Variants in VTI1A observed in about 807,000 individuals in gnomAD.
VTI1A encodes the protein vesicle transport through interaction with t-SNAREs homolog 1A.
In VTI1A, 22 loss-of-function variants were observed where a neutral mutation model predicts 34.9. The ratio of observed to expected loss-of-function variants is 0.63; its 90% confidence interval spans 0.45 to 0.90. The LOEUF (loss-of-function observed/expected upper bound fraction) is 0.90, where lower values mean the gene tolerates loss of function less well. Among genes scored for constraint, VTI1A ranks in the 40% least tolerant of loss-of-function variants. The pLI, the probability that VTI1A is intolerant of heterozygous loss-of-function variation, is 0.00. For missense variants in VTI1A, 268 were observed against 275.6 expected (o/e 0.97, Z 0.20); for synonymous variants, 87 against 97.3 (o/e 0.89, Z 0.62).
In VTI1A at chr10:112,639,514, C is replaced by G. The variant is rs77522926; in HGVS notation, c.428-28704C>G. Among the ~76,000 whole-genome samples the G allele has an allele frequency of 9.2e-5, 14 of 152,256 alleles. No individual in the cohort carries two copies. In the South Asian group the frequency reaches 2.9e-3, roughly 32 times the overall value. On this transcript the variant is annotated intron_variant, in intron 5 of 7. Coordinates refer to ENST00000393077, the MANE Select transcript of VTI1A (RefSeq NM_145206.4). ...ATACTCAGACCTAGAAGCTTCATGA[C>G]TGACTCACTAATGAAATTCAGCAAT...
chr10:112,809,653 AGT>A (rs1853216354), intron 7 of VTI1A, among the ~76,000 whole-genome samples: 1 of 152,250 alleles, frequency 6.6e-6, no homozygotes, highest in Non-Finnish European at 1.5e-5. Context: ...ATCTACAAGC[AGT>A]CCTTAGAAAC....
intron 5 of VTI1A, among the ~76,000 whole-genome samples, chr10:112,629,369 C>T (rs1287788549): frequency 6.6e-6 from 1 of 152,358 alleles, no homozygotes; most frequent in Middle Eastern, 3.4e-3. Context: ...ACTATTCCTC[C>T]TATCGCCGTC....
At chr10:112,764,498 T>A (rs1387168087) in intron 7 of VTI1A, among the ~76,000 whole-genome samples, 1 of 151,586 alleles carries the variant, frequency 6.6e-6, no homozygotes, top group African/African-American at 2.4e-5. Flanking sequence ...CTCTGTTTTA[T>A]ATAGAGTGAT....
intron 4 of VTI1A, chr10:112,533,403 A>G (rs1284631455): frequency 1.1e-4 from 69 of 613,240 alleles, no homozygotes; most frequent in Non-Finnish European, 1.4e-4. Context: ...TTTGTCTGTG[A>G]TTTTTAAATG....
In VTI1A at chr10:112,726,732, T is replaced by A. The variant is rs116070243; in HGVS notation, c.560+57734T>A. 7.2e-3 allele frequency among the ~76,000 whole-genome samples: 1,101 copies of A among 152,308 alleles called. 11 individuals carry two copies. The highest frequency in any genetic ancestry group is 0.025 in the African/African-American group (1,053 of 41,576). ...AAATTTTACAGACAATTTCATGGGCTTCAAGGAGCTCAGGGTATCTTGGAG... is the reference window on the plus strand; with the variant it reads ...AAATTTTACAGACAATTTCATGGGCATCAAGGAGCTCAGGGTATCTTGGAG... On this transcript the variant is annotated intron_variant, in intron 7 of 7. Transcript: ENST00000393077.
chr10:112,566,263 C>G (rs559951137), intron 5 of VTI1A, among the ~76,000 whole-genome samples: 6 of 152,068 alleles, frequency 3.9e-5, no homozygotes, highest in Non-Finnish European at 5.9e-5. Context: ...TTGAGACTAG[C>G]TAACATATAA....
intron 7 of VTI1A, among the ~76,000 whole-genome samples, chr10:112,747,734 C>A (rs1377436402): frequency 2.6e-5 from 4 of 151,964 alleles, no homozygotes; most frequent in Admixed American, 2.6e-4. Context: ...AGAAGGAGGC[C>A]CTCAAAGAGG....
At chr10:112,734,121 G>A (rs7920475) in intron 7 of VTI1A, among the ~76,000 whole-genome samples, 24,808 of 151,754 alleles carry the variant, frequency 0.16, 3,619 homozygotes, top group African/African-American at 0.39. Context: ...TTTCTCAAAC[G>A]CAGACCCATC....
intron 1 of VTI1A, 90 bp downstream of exon 1, chr10:112,447,557 G>A: frequency 6.9e-7 from 1 of 1,443,246 alleles, no homozygotes; most frequent in Non-Finnish European, 9.5e-7. Flanking sequence ...GTGTCTATGA[G>A]GCGCGAGGCT....
chr10:112,610,851 G>T (rs1188020217), intron 5 of VTI1A, among the ~76,000 whole-genome samples: 1 of 152,118 alleles, frequency 6.6e-6, no homozygotes, highest in Non-Finnish European at 1.5e-5. Context: ...CCCGGGAGGC[G>T]GAGCTTGCAG....
intron 7 of VTI1A, among the ~76,000 whole-genome samples, chr10:112,796,403 C>T (rs1297290348): frequency 2.7e-5 from 1 of 37,556 alleles, no homozygotes; most frequent in Non-Finnish European, 7.2e-5. Flanking sequence ...AAGACTCCGT[C>T]AAAAAAAAAA....
intron 5 of VTI1A, among the ~76,000 whole-genome samples, chr10:112,651,236 T>TG (rs1847004873): frequency 6.6e-6 from 1 of 152,228 alleles, no homozygotes; most frequent in Non-Finnish European, 1.5e-5. Flanking sequence ...ATTTTAAATA[T>TG]GACAAAATAG....
At chr10:112,576,836 C>T (rs987409756) in intron 5 of VTI1A, among the ~76,000 whole-genome samples, 18 of 152,074 alleles carry the variant, frequency 1.2e-4, no homozygotes, top group Non-Finnish European at 2.4e-4. Flanking sequence ...ATACATTTCA[C>T]GTCACAATTT....
chr10:112,839,145 G>A, the VTI1A span, among the ~76,000 whole-genome samples: 3 of 152,298 alleles, frequency 2.0e-5, no homozygotes, highest in East Asian at 5.8e-4. Flanking sequence ...CAGACACTGG[G>A]GATGGAGTCG....
chr10:112,722,159 T>A (rs1292537289), intron 7 of VTI1A, among the ~76,000 whole-genome samples: 1 of 152,210 alleles, frequency 6.6e-6, no homozygotes, highest in East Asian at 1.9e-4. Flanking sequence ...CAACCTGGAT[T>A]ACTGGTTTGT....
chr10:112,736,251 T>A (rs1269547739), intron 7 of VTI1A, among the ~76,000 whole-genome samples: 2 of 151,692 alleles, frequency 1.3e-5, no homozygotes, highest in East Asian at 3.9e-4. Flanking sequence ...AGACTCTCTG[T>A]CCACCTTACC....
intron 3 of VTI1A, among the ~76,000 whole-genome samples, chr10:112,477,593 C>T (rs980052121): frequency 3.9e-5 from 6 of 152,198 alleles, no homozygotes; most frequent in Non-Finnish European, 7.3e-5. Flanking sequence ...AGAATTTGAC[C>T]TGCAATTGCA....
chr10:112,828,072 A>G, the VTI1A span, among the ~76,000 whole-genome samples: 1 of 151,948 alleles, frequency 6.6e-6, no homozygotes, highest in African/African-American at 2.4e-5. Context: ...ATAGCACTCC[A>G]CCCAAGGACT....
intron 3 of VTI1A, among the ~76,000 whole-genome samples, chr10:112,524,805 C>A (rs561411227): frequency 6.6e-6 from 1 of 152,036 alleles, no homozygotes; most frequent in Non-Finnish European, 1.5e-5. Context: ...GTTTTAGTCC[C>A]CCATAGTGAT....
Sources: allele counts gnomAD v4.1 joint callset (sites outside exome capture counted in the v4.1 genomes callset), GRCh38; gene constraint gnomAD v4.1.1; transcripts MANE v1.5; gene names NCBI Gene and HGNC (gene_info 2026-07-23, HGNC 2026-07-21).